Variants in LMF1 observed in about 807,000 individuals in gnomAD.
LMF1 encodes transmembrane protein 112.
Under a neutral mutation model 60.6 loss-of-function variants are expected in LMF1, and 68 were observed. The observed-to-expected ratio is 1.12, with a 90% confidence interval of 0.92 to 1.37. LMF1 has a LOEUF of 1.37. LMF1 is among the 40% of genes most tolerant of loss of function. LMF1 has a pLI of 0.00. For missense variants in LMF1, 948 were observed against 767.2 expected (o/e 1.24, Z -2.78); for synonymous variants, 418 against 324.7 (o/e 1.29, Z -3.09).
chr16:859,234 C>G (rs1455190996), intron 10 of LMF1, among the ~76,000 whole-genome samples: 2 of 109,448 alleles, frequency 1.8e-5, no homozygotes, highest in Admixed American at 9.5e-5. Flanking sequence ...AGTGGTGTCA[C>G]GGGACGGGTG....
chr16:979,276 G>A (rs139339126), intron 1 of LMF1: 4,350 of 362,000 alleles, frequency 0.012, 52 homozygotes, highest in Middle Eastern at 0.028. Context: ...AGATGACTCT[G>A]GAAGGGGGGT....
At chr16:981,345 AGAGTG>A, upstream of LMF1, 1 of 186,964 alleles carries the variant, frequency 5.3e-6, no homozygotes, top group Non-Finnish European at 1.0e-5. Flanking sequence ...AGAGAGAGAG[AGAGTG>A]TGTGTGTGTG....
At chr16:943,794 G>T (rs2072170496) in intron 2 of LMF1, among the ~76,000 whole-genome samples, 1 of 150,858 alleles carries the variant, frequency 6.6e-6, no homozygotes, top group Non-Finnish European at 1.5e-5. Context: ...TGTAATGGCT[G>T]CCTCAAATCC....
In LMF1 at chr16:869,839, G is replaced by A. The variant is rs1034895646; in HGVS notation, c.1416+44C>T. 3.2e-6 allele frequency: 5 copies of A among 1,579,328 alleles called. No homozygotes were observed. In the Admixed American group the frequency reaches 5.2e-5, roughly 16 times the overall value. On this transcript the variant is annotated intron_variant, in intron 9 of 10. Coordinates refer to ENST00000262301, the MANE Select transcript of LMF1 (RefSeq NM_022773.4). Reference sequence around the variant, plus strand: ...CTGCCATCTATGGGCAGAAGAGGGTGGGGTACAGGCAGGTCCATGCGCCCG... The same window carrying A: ...CTGCCATCTATGGGCAGAAGAGGGTAGGGTACAGGCAGGTCCATGCGCCCG...
In LMF1 at chr16:911,212, C is replaced by T. The variant is rs147569097; in HGVS notation, c.515-133G>A. ...ATCTTGCTACTGAGAGACACCAGCC[C>T]GCACGTATTAGTCTCAACATCGACA... On this transcript the variant is annotated intron_variant, in intron 3 of 10. Coordinates refer to ENST00000262301, the MANE Select transcript of LMF1 (RefSeq NM_022773.4). 28 of 1,031,624 alleles carry T rather than the reference C, an allele frequency of 2.7e-5. No individual in the cohort carries two copies. In the East Asian group the frequency reaches 2.9e-4, roughly 11 times the overall value. The allele number at this position is 1,031,624 out of a possible 1,614,324, so 63.9% of individuals were successfully genotyped here.
At chr16:921,644 G>A (rs764574696) in intron 3 of LMF1, among the ~76,000 whole-genome samples, 1 of 152,196 alleles carries the variant, frequency 6.6e-6, no homozygotes, top group Non-Finnish European at 1.5e-5. Flanking sequence ...TCTTTATGGA[G>A]GGAAAGACGC....
chr16:894,217 GA>G lies in LMF1; in HGVS notation c.664-1146del, dbSNP rs1466152764. 5.8e-4 allele frequency among the ~76,000 whole-genome samples: 10 copies of G among 17,286 alleles called. 4 individuals are homozygous for G. Among genetic ancestry groups the G allele is most frequent in the African/African-American group, 1.8e-3 (8 of 4,490 alleles). 11.3% of individuals were successfully genotyped at this position (17,286 alleles called of 152,430 possible). ...CGCCCACCCGTCCCCCTGTCCACTG[GA>G]CTGTCCGCCCACCCGTCCCCCTGTC... is the stretch of plus-strand genomic sequence containing the variant. On this transcript the variant is annotated intron_variant, in intron 4 of 10. Coordinates refer to ENST00000262301, the MANE Select transcript of LMF1 (RefSeq NM_022773.4).
chr16:926,681 G>A (rs1431361047), intron 3 of LMF1, among the ~76,000 whole-genome samples: 1 of 152,252 alleles, frequency 6.6e-6, no homozygotes, highest in Non-Finnish European at 1.5e-5. Context: ...CATGTGTGAA[G>A]AAGGTGGAAC....
intron 2 of LMF1, among the ~76,000 whole-genome samples, chr16:939,860 G>C (rs896094986): frequency 2.0e-5 from 3 of 152,176 alleles, no homozygotes; most frequent in Admixed American, 6.5e-5. Context: ...AGAAGCCCTG[G>C]GCAGTGGGCT....
upstream of LMF1, chr16:981,376 GTGTGT>G (rs1327563662): frequency 1.4e-4 from 46 of 333,770 alleles, no homozygotes; most frequent in Admixed American, 4.4e-4. Context: ...GTGTGTGTGT[GTGTGT>G]GTGTGTGTGT....
At chr16:959,557 G>A (rs939093488) in intron 1 of LMF1, among the ~76,000 whole-genome samples, 4 of 152,198 alleles carry the variant, frequency 2.6e-5, no homozygotes, top group African/African-American at 4.8e-5. Flanking sequence ...GAGGTTGGGG[G>A]ATGCAGATAG....
chr16:968,970 C>T (rs2151495438), intron 1 of LMF1: 1 of 152,292 alleles, frequency 6.6e-6, no homozygotes, highest in Non-Finnish European at 1.5e-5. Flanking sequence ...GTGACAGCAC[C>T]AACATTTAAA....
At chr16:972,401 C>T (rs2073067560), upstream of LMF1, among the ~76,000 whole-genome samples, 1 of 152,186 alleles carries the variant, frequency 6.6e-6, no homozygotes, top group African/African-American at 2.4e-5. Flanking sequence ...TTGGGGATCG[C>T]AGGAGGCATC....
rs1008898346 is a variant in LMF1 at position 874,307 on chromosome 16, G to A, written c.898-2966C>T. On this transcript the variant is annotated intron_variant, in intron 6 of 10. Transcript: ENST00000262301. This position sits in a 1 kb window ranked among gnomAD's most constrained non-coding sequence, Gnocchi z 4.1. ...GGGCCTCCGGGCCTCTGTCTTGAGC[G>A]GGCGTGGGGTGCAGCCACCACAGGG... 8.5e-5 allele frequency among the ~76,000 whole-genome samples: 13 copies of A among 152,094 alleles called. No individual in the cohort carries two copies. The highest frequency in any genetic ancestry group is 2.4e-4 in the African/African-American group (10 of 41,430).
rs138368325 is a variant in LMF1 at position 897,661 on chromosome 16, G to C, written c.664-4589C>G. Among the ~76,000 whole-genome samples, 1,002 of 152,272 alleles carry C rather than the reference G, an allele frequency of 6.6e-3. 6 individuals carry two copies. The highest frequency in any genetic ancestry group is 9.5e-3 in the Non-Finnish European group (648 of 68,012). On this transcript the variant is annotated intron_variant, in intron 4 of 10. Transcript: ENST00000262301. This position sits in a 1 kb window ranked among gnomAD's most constrained non-coding sequence, Gnocchi z 4.3. ...CACTGCTTCTCCCCGAGTGCTCTGA[G>C]AGCTGGGGGTGGGTGGAAACCGTGT...
chr16:918,798 C>CCCCGACTCTCACGCGGGGCCGGT (rs2071348048), intron 3 of LMF1, among the ~76,000 whole-genome samples: 4 of 151,986 alleles, frequency 2.6e-5, no homozygotes, highest in African/African-American at 9.7e-5. Flanking sequence ...GCGGGGCCGA[C>CCCCGACTCTCACGCGGGGCCGGT]GTCCCGGGGC....
At chr16:889,750 G>A (rs978933772) in intron 5 of LMF1, among the ~76,000 whole-genome samples, 3 of 152,202 alleles carry the variant, frequency 2.0e-5, no homozygotes, top group Admixed American at 6.5e-5. Context: ...TCCGGAATCA[G>A]GTCCTCCTTG....
intron 4 of LMF1, chr16:903,252 T>C (rs1431944764): frequency 3.2e-5 from 1 of 31,078 alleles, no homozygotes; most frequent in African/African-American, 3.9e-4. Context: ...ACAGGACGCC[T>C]GTCTCTGCTG....
chr16:954,000 C>T lies in LMF1; in HGVS notation c.503+357G>A, dbSNP rs867866832. Among the ~76,000 whole-genome samples, 178 of 58,884 alleles carry T rather than the reference C, an allele frequency of 3.0e-3. 41 individuals are homozygous for T. Among genetic ancestry groups the T allele is most frequent in the African/African-American group, 5.0e-3 (75 of 15,116 alleles). The allele number at this position is 58,884 out of a possible 152,430, so 38.6% of individuals were successfully genotyped here. A position where few individuals can be genotyped will look rare whatever the true frequency, so the allele number is the denominator to read the frequency against. ...GTCCACACAGACACCCCAAACCAGC[C>T]TCCTACACGTCCACACAGACACCCA... On this transcript the variant is annotated intron_variant, in intron 2 of 10. Coordinates refer to ENST00000262301, the MANE Select transcript of LMF1 (RefSeq NM_022773.4).
Sources: gnomAD v4.1 joint callset for allele counts (sites outside exome capture counted in the v4.1 genomes callset) on GRCh38, gnomAD v4.1.1 for gene constraint, Gnocchi (gnomAD v3.1) non-coding constraint, MANE v1.5 for transcripts, NCBI Gene and HGNC (gene_info 2026-07-23, HGNC 2026-07-21) for gene names.